Variants in RNF141 observed in about 807,000 individuals in gnomAD.
The protein encoded by RNF141 is ring finger protein 141, also known as C3HC4-like zinc finger protein.
Under a neutral mutation model 27.4 loss-of-function variants are expected in RNF141, and 18 were observed. The ratio of observed to expected loss-of-function variants is 0.66; its 90% confidence interval spans 0.45 to 0.97. The LOEUF is 0.97. Ranked by LOEUF, RNF141 falls within the 50% of genes least tolerant of loss-of-function variation. The pLI, the probability that RNF141 is intolerant of heterozygous loss-of-function variation, is 0.00. For synonymous variants in RNF141, 97 were observed against 96.6 expected (o/e 1.00, Z -0.02); for missense variants, 230 against 279.4 (o/e 0.82, Z 1.26).
At chr11:10,532,036 CCT>C (rs1459016528) in intron 2 of RNF141, 1 of 451,582 alleles carries the variant, frequency 2.2e-6, no homozygotes, top group South Asian at 1.6e-5. Flanking sequence ...AAAAGGAAGA[CCT>C]CTGTATCACA....
chr11:10,525,941 G>A (rs1360433466), intron 3 of RNF141, among the ~76,000 whole-genome samples: 1 of 152,120 alleles, frequency 6.6e-6, no homozygotes, highest in Non-Finnish European at 1.5e-5. Context: ...TGAAACCAGT[G>A]GCCCAAAGGT....
At position 10,537,668 on chromosome 11, in the gene RNF141, TA is replaced by T. The variant is rs577985996; in HGVS notation, c.-48+3453del. The stretch of plus-strand genomic sequence containing the variant: ...AGGAGCCCTCAAGAAAAATAAGGAC[TA>T]AAAAAAGTAATTAAGGCCAAAAGCT... On this transcript the variant is annotated intron_variant, in intron 1 of 5. Transcript: ENST00000265981. 4.3e-3 allele frequency among the ~76,000 whole-genome samples: 659 copies of T among 151,998 alleles called. 6 individuals carry two copies. The highest frequency in any genetic ancestry group is 4.2e-3 in the Non-Finnish European group (286 of 67,942).
rs1043534006 is a variant in RNF141, at chr11:10,512,903, A to C, written c.*2013T>G. ...GTATATAAAGTTTATATAATAAGGA[A>C]ATTTATAATAATATGACTTTTATAT... On this transcript the variant is annotated 3_prime_UTR_variant, in exon 6 of 6. Coordinates refer to ENST00000265981, the MANE Select transcript of RNF141 (RefSeq NM_016422.4). 1 of 152,202 alleles carries C rather than the reference A, an allele frequency of 6.6e-6. No individual in the cohort carries two copies. Among genetic ancestry groups the C allele is most frequent in the Non-Finnish European group, 1.5e-5 (1 of 68,034 alleles). 9.4% of individuals were successfully genotyped at this position (152,202 alleles called of 1,614,324 possible).
chr11:10,531,936 G>A (rs530921688), intron 2 of RNF141: 6 of 428,736 alleles, frequency 1.4e-5, no homozygotes, highest in South Asian at 9.9e-5. Context: ...AGTTCTCGGA[G>A]ATCACTGCAC....
At chr11:10,515,727 G>A (rs1849838055) in intron 5 of RNF141, 1 of 152,140 alleles carries the variant, frequency 6.6e-6, no homozygotes, top group Non-Finnish European at 1.5e-5. Flanking sequence ...ATTTTTCTAA[G>A]AAATATCTAC....
chr11:10,514,853 C>A lies in RNF141; in HGVS notation c.*63G>T, dbSNP rs1408963463. 8 of 1,510,142 alleles carry A rather than the reference C, an allele frequency of 5.3e-6. No individual in the cohort carries two copies. The Admixed American group carries it at 6.1e-5, about 11-fold the overall frequency. The allele number at this position is 1,510,142 out of a possible 1,614,324, so 93.5% of individuals were successfully genotyped here. The stretch of plus-strand genomic sequence containing the variant: ...TGTCTGTGCCAGTGCCACAACCCTA[C>A]ATTCTTCCCCCATGACCAAATATTT... On this transcript the variant is annotated 3_prime_UTR_variant, in exon 6 of 6. Transcript: ENST00000265981.
chr11:10,529,734 T>C (rs987399245), intron 3 of RNF141, among the ~76,000 whole-genome samples: 10 of 152,204 alleles, frequency 6.6e-5, no homozygotes, highest in African/African-American at 2.4e-4. Flanking sequence ...ATAATCTGGA[T>C]CAGAAGAGAG....
intron 3 of RNF141, among the ~76,000 whole-genome samples, chr11:10,526,825 T>C (rs927804843): frequency 6.6e-6 from 1 of 152,032 alleles, no homozygotes; most frequent in African/African-American, 2.4e-5. Flanking sequence ...ACTAAGAAAT[T>C]TTAGAACCAT....
At chr11:10,528,083 A>C (rs1235331792) in intron 3 of RNF141, among the ~76,000 whole-genome samples, 2 of 152,228 alleles carry the variant, frequency 1.3e-5, no homozygotes, top group East Asian at 3.8e-4. Context: ...AAAATATTCC[A>C]TTTAAACATA....
At position 10,516,915 on chromosome 11, in the gene RNF141, A is replaced by T. The variant is rs116472878; in HGVS notation, c.543-1849T>A. The T allele has an allele frequency of 8.7e-4, 132 of 152,346 alleles. 1 individual carries two copies. Among genetic ancestry groups the T allele is most frequent in the African/African-American group, 3.1e-3 (127 of 41,572 alleles). 9.4% of individuals were successfully genotyped at this position (152,346 alleles called of 1,614,324 possible). ...TAGTCCAGAAAAAAAGCTCAAGAATATTCATAGGAATACAAAAATATCCAA... is the reference window on the plus strand; with the variant it reads ...TAGTCCAGAAAAAAAGCTCAAGAATTTTCATAGGAATACAAAAATATCCAA... On this transcript the variant is annotated intron_variant, in intron 5 of 5. Coordinates refer to ENST00000265981, the MANE Select transcript of RNF141 (RefSeq NM_016422.4).
At chr11:10,519,007 A>T in intron 5 of RNF141, 27 bp downstream of exon 5, 1 of 1,577,998 alleles carries the variant, frequency 6.3e-7, no homozygotes, top group Non-Finnish European at 8.7e-7. Context: ...ACCTTGGCCC[A>T]GCCCATGAAT....
chr11:10,518,584 G>T (rs752951246), intron 5 of RNF141: 7 of 154,166 alleles, frequency 4.5e-5, no homozygotes, highest in Non-Finnish European at 8.6e-5. Context: ...TTAAATACAT[G>T]TAGTTTATTG....
At chr11:10,528,867 T>C (rs1264674445) in intron 3 of RNF141, among the ~76,000 whole-genome samples, 1 of 152,164 alleles carries the variant, frequency 6.6e-6, no homozygotes, top group South Asian at 2.1e-4. Context: ...GAGCTTACTC[T>C]CTAAAGGGGA....
intron 2 of RNF141, among the ~76,000 whole-genome samples, chr11:10,531,388 A>AAG (rs1849985273): frequency 6.6e-6 from 1 of 150,748 alleles, no homozygotes; most frequent in African/African-American, 2.4e-5. Flanking sequence ...AAAAAAAAAA[A>AAG]GGTTAGCTAG....
Position 10,519,071 on chromosome 11 carries a change from A to C in RNF141, c.505T>G (p.Cys169Gly). 6 of 1,614,076 alleles carry C rather than the reference A, an allele frequency of 3.7e-6. No homozygotes were observed. Among genetic ancestry groups the C allele is most frequent in the Non-Finnish European group, 5.1e-6 (6 of 1,179,954 alleles). ...MDGRADLILP[C>G]AHSFCQKCID... ...CACTTCTGACAAAAGCTGTGAGCAC[A>C]AGGCAGGATGAGGTCAGCCCGCCCA... The change falls in exon 5 of 6, where the codon TGT becomes GGT. Residue 169 changes from cysteine (C) to glycine (G), a missense_variant. Transcript: ENST00000265981.
chr11:10,532,459 C>T (rs527568620), intron 2 of RNF141, among the ~76,000 whole-genome samples: 1 of 148,704 alleles, frequency 6.7e-6, no homozygotes, highest in Non-Finnish European at 1.5e-5. Context: ...ATCTCCCAAC[C>T]GAGAGACAAG....
In RNF141 at chr11:10,539,701, AG is replaced by A. The variant is rs1291798918; in HGVS notation, c.-48+1420del. On this transcript the variant is annotated intron_variant, in intron 1 of 5. Coordinates refer to ENST00000265981, the MANE Select transcript of RNF141 (RefSeq NM_016422.4). Reference sequence around the variant, plus strand: ...AGAAAAAGATACATACATATATATTAGAGAGAGAAGGAGAGAGAAACTACAA... The same window carrying A: ...AGAAAAAGATACATACATATATATTAAGAGAGAAGGAGAGAGAAACTACAA... 7.3e-4 allele frequency among the ~76,000 whole-genome samples: 23 copies of A among 31,452 alleles called. 5 individuals are homozygous for A. Among genetic ancestry groups the A allele is most frequent in the East Asian group, 2.7e-3 (3 of 1,114 alleles). 20.6% of individuals were successfully genotyped at this position (31,452 alleles called of 152,430 possible). A position where few individuals can be genotyped will look rare whatever the true frequency, so the allele number is the denominator to read the frequency against.
chr11:10,528,757 T>G lies in RNF141; in HGVS notation c.252+1886A>C, dbSNP rs541584932. On this transcript the variant is annotated intron_variant, in intron 3 of 5. Transcript: ENST00000265981. ...GAGTATTATTTCAACAGATTTTTTT[T>G]GTTCACTTAATATATACTGAGTTCC... 9.2e-5 allele frequency among the ~76,000 whole-genome samples: 14 copies of G among 152,324 alleles called. No individual in the cohort carries two copies. The East Asian group carries it at 2.7e-3, about 29-fold the overall frequency.
At chr11:10,531,766 G>T in intron 2 of RNF141, 2 of 217,202 alleles carry the variant, frequency 9.2e-6, no homozygotes, top group Non-Finnish European at 1.9e-5. Flanking sequence ...AGCACCAGTG[G>T]GGATATCACA....
Sources: gnomAD v4.1 joint callset for allele counts (sites outside exome capture counted in the v4.1 genomes callset) on GRCh38, gnomAD v4.1.1 for gene constraint, MANE v1.5 for transcripts, NCBI Gene and HGNC (gene_info 2026-07-23, HGNC 2026-07-21) for gene names.